Variants in OSBPL3 observed in about 807,000 individuals in gnomAD.
OSBPL3 encodes oxysterol-binding protein-related protein 3.
Under a neutral mutation model 120.1 loss-of-function variants are expected in OSBPL3, and 65 were observed. The ratio of observed to expected loss-of-function variants is 0.54; its 90% CI spans 0.44 to 0.67. The LOEUF is 0.67. Ranked by LOEUF, OSBPL3 falls within the 30% of genes least tolerant of loss-of-function variation. The pLI, the probability that OSBPL3 is intolerant of heterozygous loss-of-function variation, is 0.00. For missense variants in OSBPL3, 1,004 were observed against 1,082.1 expected (o/e 0.93, Z 1.01); for synonymous variants, 416 against 402.6 (o/e 1.03, Z -0.40).
At chr7:24,884,980 T>A (rs1235362658) in intron 2 of OSBPL3, among the ~76,000 whole-genome samples, 1 of 152,016 alleles carries the variant, frequency 6.6e-6, no homozygotes, top group African/African-American at 2.4e-5. Flanking sequence ...AAAGACATTA[T>A]GAAATTGAAA....
Position 24,979,968 on chromosome 7 carries a change from C to T in OSBPL3, c.-232G>A, listed in dbSNP as rs914590092. ...AGCGCACAGAACCGGGAGAAGGCAA[C>T]CCCGGCTTCTCCGGTACCCCCGCAA... On this transcript the variant is annotated 5_prime_UTR_variant, in exon 1 of 23. Transcript: ENST00000313367. 55 of 985,324 alleles carry T rather than the reference C, an allele frequency of 5.6e-5. 1 individual carries two copies. Among genetic ancestry groups the T allele is most frequent in the Admixed American group, 1.8e-4 (3 of 16,270 alleles). 61.0% of individuals were successfully genotyped at this position (985,324 alleles called of 1,614,324 possible). A position where few individuals can be genotyped will look rare whatever the true frequency, so the allele number is the denominator to read the frequency against.
rs895346086 is a variant in OSBPL3 at position 24,964,614 on chromosome 7, T to A, written c.-150+15272A>T. 6.6e-6 allele frequency among the ~76,000 whole-genome samples: 1 copy of A among 152,114 alleles called. No individual in the cohort carries two copies. The highest frequency in any genetic ancestry group is 2.4e-5 in the African/African-American group (1 of 41,432). ...TAAGGAGACATGGCAACCAAGATAA[T>A]GTAGAACCCCACATGGAGTCCTGGA... On this transcript the variant is annotated intron_variant, in intron 1 of 22. Transcript: ENST00000313367. This position sits in a 1 kb window ranked among gnomAD's most constrained non-coding sequence, Gnocchi z 4.2.
At chr7:24,885,477 A>G (rs1389230433) in intron 2 of OSBPL3, among the ~76,000 whole-genome samples, 1 of 152,098 alleles carries the variant, frequency 6.6e-6, no homozygotes, top group Admixed American at 6.5e-5. Flanking sequence ...AGTTCAAGCC[A>G]CTGTAGTTCA....
At chr7:24,844,214 T>C in intron 12 of OSBPL3, among the ~76,000 whole-genome samples, 1 of 152,256 alleles carries the variant, frequency 6.6e-6, no homozygotes, top group East Asian at 1.9e-4. Context: ...CTTTCACATA[T>C]GTAATGCATG....
intron 1 of OSBPL3, among the ~76,000 whole-genome samples, chr7:24,961,936 T>A (rs1045840633): frequency 6.6e-6 from 1 of 152,182 alleles, no homozygotes; most frequent in Non-Finnish European, 1.5e-5. Context: ...CACAACATCA[T>A]AAAGGACAGA....
intron 12 of OSBPL3, among the ~76,000 whole-genome samples, chr7:24,845,963 C>A (rs573201829): frequency 1.2e-4 from 18 of 152,268 alleles, no homozygotes; most frequent in East Asian, 3.9e-4. Flanking sequence ...TCAGGCTGGG[C>A]AGCATAGTAA....
At chr7:24,909,520 G>C (rs946531713) in intron 1 of OSBPL3, among the ~76,000 whole-genome samples, 4 of 152,168 alleles carry the variant, frequency 2.6e-5, no homozygotes, top group African/African-American at 9.7e-5. Flanking sequence ...AGTTACATGA[G>C]AGAGAAATAA....
At chr7:24,969,137 T>TGG (rs1009072459) in intron 1 of OSBPL3, among the ~76,000 whole-genome samples, 5 of 152,380 alleles carry the variant, frequency 3.3e-5, no homozygotes, top group Admixed American at 2.0e-4. Flanking sequence ...ACCTGTTTCT[T>TGG]CAAAACTTTG....
At chr7:24,800,465 T>C (rs117004641) in intron 22 of OSBPL3, among the ~76,000 whole-genome samples, 186 bp from the exon 23 acceptor site, 1,552 of 148,802 alleles carry the variant, frequency 0.01, 37 homozygotes, top group African/African-American at 0.035. Flanking sequence ...TTTTTTTTTT[T>C]TTTTTTTTTG....
In OSBPL3 at chr7:24,822,610, A is replaced by T. The variant is rs1795251993; in HGVS notation, c.1885-2372T>A. ...TAGATTATATTCATCCCACAAAAAC[A>T]ATGTAGCAATGTGGGAGAGGAGCAC... On this transcript the variant is annotated intron_variant, in intron 16 of 22. Coordinates refer to ENST00000313367, the MANE Select transcript of OSBPL3 (RefSeq NM_015550.4). The surrounding 1 kb of genome is among the most constrained non-coding windows in gnomAD (Gnocchi z 5.8). Among the ~76,000 whole-genome samples, 2 of 152,216 alleles carry T rather than the reference A, an allele frequency of 1.3e-5. No homozygotes were observed. Among genetic ancestry groups the T allele is most frequent in the South Asian group, 4.1e-4 (2 of 4,834 alleles).
rs1201625271 is a variant in OSBPL3, at chr7:24,968,319, T to G, written c.-150+11567A>C. ...TGTGGCTGGCTTCAAACTACCAACA[T>G]GAAGTAATCAGCCAAGGGCTTGGGA... On this transcript the variant is annotated intron_variant, in intron 1 of 22. Transcript: ENST00000313367. This position sits in a 1 kb window ranked among gnomAD's most constrained non-coding sequence, Gnocchi z 4.6. Among the ~76,000 whole-genome samples the G allele has an allele frequency of 6.6e-6, 1 of 152,198 alleles. No homozygotes were observed. Among genetic ancestry groups the G allele is most frequent in the Admixed American group, 6.5e-5 (1 of 15,282 alleles).
In OSBPL3 at chr7:24,873,237, A is replaced by T. The variant is rs896346746; in HGVS notation, c.97-1168T>A. 4.6e-5 allele frequency among the ~76,000 whole-genome samples: 7 copies of T among 152,200 alleles called. No homozygotes were observed. Among genetic ancestry groups the T allele is most frequent in the Non-Finnish European group, 1.0e-4 (7 of 68,036 alleles). ...CAGTGAGTCTGAACCAGCACCAGGG[A>T]GCAGGAGGCAGTTAGATTCAAGTCC... On this transcript the variant is annotated intron_variant, in intron 2 of 22. Transcript: ENST00000313367. This position sits in a 1 kb window ranked among gnomAD's most constrained non-coding sequence, Gnocchi z 4.1.
rs575722030 is a variant in OSBPL3 at position 24,915,578 on chromosome 7, AT to A, written c.-149-22958del. 3.1e-3 allele frequency among the ~76,000 whole-genome samples: 453 copies of A among 144,204 alleles called. 1 individual carries two copies. The highest frequency in any genetic ancestry group is 6.1e-3 in the African/African-American group (240 of 39,530). The allele number at this position is 144,204 out of a possible 152,430, so 94.6% of individuals were successfully genotyped here. A position where few individuals can be genotyped will look rare whatever the true frequency, so the allele number is the denominator to read the frequency against. The stretch of plus-strand genomic sequence containing the variant: ...TCACCATGTTGCCCACCAAACATTA[AT>A]TTTTTTTTTTTTTTGAGACAGTCTC... On this transcript the variant is annotated intron_variant, in intron 1 of 22. Transcript: ENST00000313367.
intron 19 of OSBPL3, among the ~76,000 whole-genome samples, chr7:24,814,347 GAGTACAGCCTGTGC>G (rs1288353188): frequency 6.6e-6 from 1 of 152,036 alleles, no homozygotes; most frequent in African/African-American, 2.4e-5. Flanking sequence ...TGGAGATGGG[GAGTACAGCCTGTGC>G]AGCGCCCGAC....
chr7:24,838,487 C>A (rs1435134509), intron 14 of OSBPL3, among the ~76,000 whole-genome samples: 1 of 152,128 alleles, frequency 6.6e-6, no homozygotes, highest in Non-Finnish European at 1.5e-5. Flanking sequence ...CAGAGTGAGA[C>A]CCTGTCTTCA....
rs751749619 is a variant in OSBPL3 at position 24,892,380 on chromosome 7, T to C, written c.93A>G (p.Arg31=). 1.2e-6 allele frequency: 2 copies of C among 1,613,360 alleles called. No individual in the cohort carries two copies. Among genetic ancestry groups the C allele is most frequent in the Non-Finnish European group, 1.7e-6 (2 of 1,179,402 alleles). Residue 31 remains arginine, a synonymous_variant, in exon 2 of 23, where the codon CGA becomes CGG. Transcript: ENST00000313367. ...ATTTGCATGAGTTAAACTTTACCTG[T>C]CGACTTCCTTGCTTGGAAGAGCAGC... ...TSSCSSKQGS[R]QDSWEVVEGL...
At position 24,808,269 on chromosome 7, in the gene OSBPL3, T is replaced by C. The variant is rs1367817777; in HGVS notation, c.2318-1367A>G. 1.3e-5 allele frequency among the ~76,000 whole-genome samples: 2 copies of C among 152,132 alleles called. No homozygotes were observed. ...TCTAATTCTCTGTGTATCCTAAGCA[T>C]AAAAATAGTAGCAAAGTTTCCTATG... On this transcript the variant is annotated intron_variant, in intron 20 of 22. Coordinates refer to ENST00000313367, the MANE Select transcript of OSBPL3 (RefSeq NM_015550.4). This position sits in a 1 kb window ranked among gnomAD's most constrained non-coding sequence, Gnocchi z 4.6.
Position 24,813,818 on chromosome 7 carries a change from G to A in OSBPL3, c.2172+1241C>T, listed in dbSNP as rs1794132426. ...ACATACAATTTTTAAGAGCAAGAAG[G>A]AATCTAGGAGGGAGAGAAAGCAGGG... On this transcript the variant is annotated intron_variant, in intron 19 of 22. Coordinates refer to ENST00000313367, the MANE Select transcript of OSBPL3 (RefSeq NM_015550.4). The surrounding 1 kb of genome is among the most constrained non-coding windows in gnomAD (Gnocchi z 4.5). 2.0e-5 allele frequency among the ~76,000 whole-genome samples: 3 copies of A among 152,182 alleles called. No homozygotes were observed. The highest frequency in any genetic ancestry group is 2.0e-4 in the Admixed American group (3 of 15,278).
intron 1 of OSBPL3, among the ~76,000 whole-genome samples, chr7:24,905,210 T>C (rs1309635204): frequency 1.3e-5 from 2 of 149,746 alleles, no homozygotes; most frequent in Non-Finnish European, 3.0e-5. Context: ...CCAATCCCAG[T>C]TGTTTTCCAT....
Sources: gnomAD v4.1 joint callset for allele counts (sites outside exome capture counted in the v4.1 genomes callset) on GRCh38, gnomAD v4.1.1 for gene constraint, Gnocchi (gnomAD v3.1) non-coding constraint, MANE v1.5 for transcripts, NCBI Gene and HGNC (gene_info 2026-07-23, HGNC 2026-07-21) for gene names.